MACROD2: variants seen among roughly 807,000 people sequenced by gnomAD.
MACROD2 encodes mono-ADP ribosylhydrolase 2.
MACROD2 carries 36 observed loss-of-function variants against 70.4 expected under a neutral mutation model. That is an observed-to-expected ratio of 0.51 (90% CI 0.39 to 0.68). The LOEUF is 0.68. MACROD2 is among the 30% of genes least tolerant of loss of function. The pLI is 0.00. For missense variants in MACROD2, 496 were observed against 538.4 expected (o/e 0.92, Z 0.78); for synonymous variants, 172 against 178.8 (o/e 0.96, Z 0.30).
chr20:15,295,155 C>T (rs1028820037), intron 6 of MACROD2, among the ~76,000 whole-genome samples: 3 of 152,196 alleles, frequency 2.0e-5, no homozygotes, highest in Non-Finnish European at 4.4e-5. Flanking sequence ...CCTGCACATT[C>T]TCTCTTGCCT....
chr20:15,461,679 C>T (rs1413334914), intron 7 of MACROD2, among the ~76,000 whole-genome samples: 1 of 152,122 alleles, frequency 6.6e-6, no homozygotes, highest in Non-Finnish European at 1.5e-5. Flanking sequence ...ATTAGTTGTT[C>T]TGCAAAACTT....
chr20:15,506,602 G>A (rs1600508456), intron 8 of MACROD2, among the ~76,000 whole-genome samples: 2 of 152,280 alleles, frequency 1.3e-5, no homozygotes, highest in Middle Eastern at 6.8e-3. Context: ...ACCCCAGTGT[G>A]GGGCCTGCCT....
At chr20:15,429,548 C>A (rs1600399440) in intron 6 of MACROD2, among the ~76,000 whole-genome samples, 1 of 151,906 alleles carries the variant, frequency 6.6e-6, no homozygotes, top group East Asian at 1.9e-4. Context: ...GAGCATCATG[C>A]AAAGGGAATA....
intron 3 of MACROD2, among the ~76,000 whole-genome samples, chr20:14,418,367 C>T (rs537751884): frequency 3.9e-4 from 59 of 152,234 alleles, no homozygotes; most frequent in Non-Finnish European, 7.2e-4. Context: ...CTTATTCCAG[C>T]TGTTGAGGAT....
intron 6 of MACROD2, among the ~76,000 whole-genome samples, chr20:15,259,027 GA>G (rs1286873148): frequency 4.6e-5 from 7 of 151,976 alleles, no homozygotes; most frequent in African/African-American, 1.7e-4. Context: ...TACAAATGTA[GA>G]CATGTAACCT....
intron 3 of MACROD2, among the ~76,000 whole-genome samples, chr20:14,256,033 C>A (rs1321773849): frequency 6.6e-6 from 1 of 151,946 alleles, no homozygotes; most frequent in African/African-American, 2.4e-5. Context: ...TGTCTGTCCC[C>A]CAAGCCCTTT....
At chr20:14,037,509 A>G (rs1041883848) in intron 2 of MACROD2, among the ~76,000 whole-genome samples, 3 of 152,192 alleles carry the variant, frequency 2.0e-5, no homozygotes, top group Admixed American at 6.5e-5. Flanking sequence ...TTATTTGGTA[A>G]TCTTAGTAAG....
chr20:14,684,691 A>G, intron 4 of MACROD2, 152 bp from the exon 5 acceptor site: 1 of 474,302 alleles, frequency 2.1e-6, no homozygotes, highest in East Asian at 3.8e-5. Flanking sequence ...CAAACAAGCT[A>G]GTGTTTGAAA....
intron 5 of MACROD2, among the ~76,000 whole-genome samples, chr20:14,698,417 C>T (rs1479069591): frequency 6.6e-6 from 1 of 152,100 alleles, no homozygotes; most frequent in Admixed American, 6.6e-5. Context: ...GAGTTAATGT[C>T]TGTGTGGCAC....
At chr20:14,489,536 A>G (rs2084770707) in intron 3 of MACROD2, among the ~76,000 whole-genome samples, 1 of 152,184 alleles carries the variant, frequency 6.6e-6, no homozygotes, top group African/African-American at 2.4e-5. Flanking sequence ...GGTGTTTTAA[A>G]TAGAGCTCCT....
At chr20:14,232,140 A>G (rs1039643910) in intron 3 of MACROD2, among the ~76,000 whole-genome samples, 4 of 152,286 alleles carry the variant, frequency 2.6e-5, no homozygotes, top group South Asian at 4.1e-4. Flanking sequence ...AAGCTCTTGA[A>G]TTTAATTAGA....
At chr20:15,544,319 A>T (rs1410605974) in intron 8 of MACROD2, among the ~76,000 whole-genome samples, 2 of 152,198 alleles carry the variant, frequency 1.3e-5, no homozygotes, top group African/African-American at 4.8e-5. Context: ...TTATAAAATA[A>T]CCTGGATGCT....
chr20:14,736,502 T>G (rs997424825), intron 5 of MACROD2, among the ~76,000 whole-genome samples: 10 of 152,262 alleles, frequency 6.6e-5, no homozygotes, highest in Middle Eastern at 3.4e-3. Context: ...GTAAACAAAG[T>G]GTTTTTCAAA....
intron 10 of MACROD2, among the ~76,000 whole-genome samples, chr20:15,924,168 C>T (rs778285427): frequency 4.1e-4 from 62 of 152,186 alleles, no homozygotes; most frequent in Non-Finnish European, 7.1e-4. Context: ...TAGCATGTCT[C>T]AACACGGAAG....
chr20:14,225,006 C>T (rs1005507340), intron 3 of MACROD2, among the ~76,000 whole-genome samples: 5 of 152,166 alleles, frequency 3.3e-5, no homozygotes, highest in South Asian at 2.1e-4. Context: ...AAATTCCAGA[C>T]GTTATTTTCC....
At chr20:15,206,752 C>T (rs1265028968) in intron 5 of MACROD2, among the ~76,000 whole-genome samples, 1 of 20,242 alleles carries the variant, frequency 4.9e-5, no homozygotes. Context: ...TTTTTTGAGA[C>T]GGAGTCTCGC....
intron 8 of MACROD2, among the ~76,000 whole-genome samples, chr20:15,602,875 C>A (rs2048841139): frequency 6.6e-6 from 1 of 151,928 alleles, no homozygotes; most frequent in African/African-American, 2.4e-5. Context: ...CTAATGGCTA[C>A]CCTTTGGGAG....
chr20:14,338,161 G>A (rs1311372675), intron 3 of MACROD2, among the ~76,000 whole-genome samples: 1 of 152,150 alleles, frequency 6.6e-6, no homozygotes, highest in Non-Finnish European at 1.5e-5. Context: ...CGGCACTTTG[G>A]GAGGCCGAGG....
chr20:15,151,433 A>G (rs1250108876), intron 5 of MACROD2, among the ~76,000 whole-genome samples: 1 of 152,104 alleles, frequency 6.6e-6, no homozygotes, highest in Admixed American at 6.6e-5. Context: ...ATATATTGCT[A>G]CTTGGCTGTC....
Sources: allele counts gnomAD v4.1 joint callset (sites outside exome capture counted in the v4.1 genomes callset), GRCh38; gene constraint gnomAD v4.1.1; transcripts MANE v1.5; gene names NCBI Gene and HGNC (gene_info 2026-07-23, HGNC 2026-07-21).